The following CPEB4 variants were observed in gnomAD, a reference collection of about 807,000 sequenced individuals.
CPEB4 encodes the protein cytoplasmic polyadenylation element binding protein 4, also known as cytoplasmic polyadenylation element-binding protein 4.
A neutral mutation model predicts 72.5 loss-of-function variants in CPEB4; 12 were observed. The ratio of observed to expected loss-of-function variants is 0.17; its 90% CI spans 0.11 to 0.27. The LOEUF (loss-of-function observed/expected upper bound fraction) is 0.27, where lower values mean the gene tolerates loss of function less well. CPEB4 is among the 10% of genes least tolerant of loss of function. The pLI is 1.00. For synonymous variants in CPEB4, 302 were observed against 326.3 expected, an observed-to-expected ratio of 0.93 and a Z score of 0.80; for missense variants, 614 against 908.5, an observed-to-expected ratio of 0.68 and a Z score of 4.17.
At chr5:173,937,511 A>G (rs1757671686) in intron 3 of CPEB4, among the ~76,000 whole-genome samples, 2 of 152,232 alleles carry the variant, frequency 1.3e-5, no homozygotes, top group Admixed American at 6.5e-5. Flanking sequence ...AATAATAAGC[A>G]TGTTGAAAGA....
Position 173,910,540 on chromosome 5 carries a change from C to T in CPEB4, c.1143C>T (p.Phe381=), listed in dbSNP as rs569550736. ...GTCTACAGGATCGCCCCAGGACATT[C>T]GACATGCACTCACTGGAGAGTTCAC... ...IFPFPDRPRT[F]DMHSLESSLI... is the part of the protein sequence containing the mutation. The change falls in exon 2 of 10, where the codon TTC becomes TTT. Residue 381 remains phenylalanine (F), a synonymous_variant. Coordinates refer to ENST00000265085, the MANE Select transcript of CPEB4 (RefSeq NM_030627.4). 34 of 1,613,106 alleles carry T rather than the reference C, an allele frequency of 2.1e-5. No homozygotes were observed. In the African/African-American group the frequency reaches 3.1e-4, roughly 15 times the overall value.
At chr5:173,945,838 A>G (rs1202035687) in intron 5 of CPEB4, among the ~76,000 whole-genome samples, 4 of 152,258 alleles carry the variant, frequency 2.6e-5, no homozygotes, top group Non-Finnish European at 5.9e-5. Flanking sequence ...GGAGCCAGCC[A>G]TGCAAAGACT....
intron 1 of CPEB4, among the ~76,000 whole-genome samples, chr5:173,894,269 A>G: frequency 6.6e-6 from 1 of 152,078 alleles, no homozygotes; most frequent in East Asian, 1.9e-4. Context: ...GGTGTGAGCC[A>G]CCGTGCCTGA....
intron 2 of CPEB4, among the ~76,000 whole-genome samples, chr5:173,914,073 A>G (rs1225543500): frequency 6.6e-6 from 1 of 152,238 alleles, no homozygotes; most frequent in African/African-American, 2.4e-5. Context: ...TTTTCCTACA[A>G]AGAGCAGTAA....
chr5:173,915,755 T>G lies in CPEB4; in HGVS notation c.1207+5151T>G, dbSNP rs531523960. On this transcript the variant is annotated intron_variant, in intron 2 of 9. Transcript: ENST00000265085. ...GTATCTTATTGTTATGCATGTTTTT[T>G]CTCGCTTATGAAATTGGTACTTGTT... is the stretch of plus-strand genomic sequence containing the variant. Among the ~76,000 whole-genome samples the G allele has an allele frequency of 3.9e-5, 6 of 152,382 alleles. No homozygotes were observed. The East Asian group carries it at 1.2e-3, about 29-fold the overall frequency.
At chr5:173,918,121 T>C (rs1756943531) in intron 2 of CPEB4, 1 of 152,262 alleles carries the variant, frequency 6.6e-6, no homozygotes, top group Non-Finnish European at 1.5e-5. Flanking sequence ...TGTGTGGCTA[T>C]GTAGGAATGA....
chr5:173,940,972 G>A (rs1757816857), intron 3 of CPEB4, among the ~76,000 whole-genome samples: 1 of 152,088 alleles, frequency 6.6e-6, no homozygotes, highest in Non-Finnish European at 1.5e-5. Flanking sequence ...TGAAGATTTC[G>A]AGAGTATTTG....
chr5:173,924,756 C>G (rs576175943), intron 2 of CPEB4, among the ~76,000 whole-genome samples: 2 of 152,228 alleles, frequency 1.3e-5, no homozygotes, highest in Non-Finnish European at 2.9e-5. Flanking sequence ...ACCCATTACA[C>G]TGCATCTTCC....
At chr5:173,934,241 A>G (rs942360414) in intron 3 of CPEB4, among the ~76,000 whole-genome samples, 1 of 152,144 alleles carries the variant, frequency 6.6e-6, no homozygotes, top group African/African-American at 2.4e-5. Flanking sequence ...CTTCATTACT[A>G]TCCTTTCTTT....
chr5:173,940,633 T>A (rs1224870571), intron 3 of CPEB4, among the ~76,000 whole-genome samples: 1 of 152,248 alleles, frequency 6.6e-6, no homozygotes, highest in Non-Finnish European at 1.5e-5. Flanking sequence ...ACTTATGGTT[T>A]ATTTTTGTGT....
At chr5:173,924,813 A>G (rs1403367367) in intron 2 of CPEB4, among the ~76,000 whole-genome samples, 2 of 152,136 alleles carry the variant, frequency 1.3e-5, no homozygotes, top group Non-Finnish European at 2.9e-5. Flanking sequence ...TTCATTTTCC[A>G]CAGTTGTTTA....
intron 2 of CPEB4, among the ~76,000 whole-genome samples, chr5:173,930,976 G>A (rs1757426169): frequency 8.3e-6 from 1 of 120,260 alleles, no homozygotes; most frequent in Non-Finnish European, 1.6e-5. Context: ...TGGAGACAGA[G>A]TGAGACTCTG....
At chr5:173,907,647 C>T (rs1756490869) in intron 1 of CPEB4, among the ~76,000 whole-genome samples, 1 of 152,216 alleles carries the variant, frequency 6.6e-6, no homozygotes, top group Non-Finnish European at 1.5e-5. Flanking sequence ...TGAAGGAATA[C>T]ATCCATTCAT....
intron 4 of CPEB4, among the ~76,000 whole-genome samples, chr5:173,944,356 C>T (rs1463961903): frequency 6.6e-6 from 1 of 151,698 alleles, no homozygotes; most frequent in Non-Finnish European, 1.5e-5. Context: ...GTGTCTGTAG[C>T]CCCAGCTACT....
intron 2 of CPEB4, among the ~76,000 whole-genome samples, chr5:173,923,182 G>A (rs983838499): frequency 6.6e-6 from 1 of 152,210 alleles, no homozygotes; most frequent in African/African-American, 2.4e-5. Context: ...AGATAGGTCT[G>A]TATGCAGAAA....
At chr5:173,953,900 G>A (rs1381757719) in intron 9 of CPEB4, among the ~76,000 whole-genome samples, 1 of 152,060 alleles carries the variant, frequency 6.6e-6, no homozygotes, top group Non-Finnish European at 1.5e-5. Context: ...TCAGAGTGTG[G>A]CCTGTGGACT....
chr5:173,935,940 G>C (rs191920195), intron 3 of CPEB4, among the ~76,000 whole-genome samples: 160 of 152,146 alleles, frequency 1.1e-3, no homozygotes, highest in African/African-American at 3.8e-3. Flanking sequence ...AATGACCTTC[G>C]TATACCACTC....
At chr5:173,918,200 T>G (rs1756947618) in intron 2 of CPEB4, 1 of 152,284 alleles carries the variant, frequency 6.6e-6, no homozygotes, top group African/African-American at 2.4e-5. Flanking sequence ...AAACAGTCTT[T>G]CTCTTGCCTT....
chr5:173,935,000 A>C (rs1018846902), intron 3 of CPEB4, among the ~76,000 whole-genome samples: 2 of 152,204 alleles, frequency 1.3e-5, no homozygotes, highest in Admixed American at 6.5e-5. Flanking sequence ...TGGCATAATG[A>C]ATTGTGCTTA....
Sources: allele counts gnomAD v4.1 joint callset (sites outside exome capture counted in the v4.1 genomes callset), GRCh38; gene constraint gnomAD v4.1.1; transcripts MANE v1.5; gene names NCBI Gene and HGNC (gene_info 2026-07-23, HGNC 2026-07-21).